Variants in IL5 observed in about 807,000 individuals in gnomAD.
IL5 encodes interleukin-5.
In IL5, 12 loss-of-function variants were observed where a neutral mutation model predicts 16.3. The ratio of observed to expected loss-of-function variants is 0.74; its 90% CI spans 0.47 to 1.20. IL5 has a LOEUF of 1.20. IL5 is among the 50% of genes most tolerant of loss of function. The pLI, the probability that IL5 is intolerant of heterozygous loss-of-function variation, is 0.00. For missense variants in IL5, 159 were observed against 153.9 expected (o/e 1.03, Z -0.17); for synonymous variants, 54 against 56.6 (o/e 0.95, Z 0.21).
At chr5:132,548,673 G>A (rs142968182) in intron 1 of IL5, among the ~76,000 whole-genome samples, 215 of 152,164 alleles carry the variant, frequency 1.4e-3, no homozygotes, top group African/African-American at 5.0e-3. Context: ...CTGTGTGTGC[G>A]TCTGTGTGCT....
At chr5:132,554,702 AAAAG>A (rs1749943730) in intron 1 of IL5, among the ~76,000 whole-genome samples, 1 of 152,234 alleles carries the variant, frequency 6.6e-6, no homozygotes, top group African/African-American at 2.4e-5. Flanking sequence ...GTATATACCC[AAAAG>A]AATTGAAAGC....
chr5:132,555,488 T>C (rs550629645), intron 1 of IL5, among the ~76,000 whole-genome samples: 8 of 152,350 alleles, frequency 5.3e-5, no homozygotes, highest in Non-Finnish European at 8.8e-5. Context: ...TGAGTATACT[T>C]AACACCACTG....
chr5:132,542,969 A>G, intron 2 of IL5, 125 bp downstream of exon 2: 1 of 699,112 alleles, frequency 1.4e-6, no homozygotes, highest in Non-Finnish European at 2.5e-6. Flanking sequence ...AGACATTCAC[A>G]GCCACCCATA....
chr5:132,543,342 G>C lies in IL5; in HGVS notation c.137C>G (p.Ala46Gly), dbSNP rs779089112. ...LLSTHRTLLI[A>G]NETLRIPVPV... ...AATCATAAAGAAAATTACCTCATTG[G>C]CTATCAGCAGAGTTCGATGAGTAGA... is the stretch of plus-strand genomic sequence containing the variant. Residue 46 changes from alanine (A) to glycine (G), a missense_variant, in exon 1 of 4, where the codon GCC (alanine) becomes GGC (glycine). Physicochemically the swap from Ala to Gly is moderately conservative, Grantham distance 60. Transcript: ENST00000231454. 6.2e-7 allele frequency: 1 copy of C among 1,613,780 alleles called. No individual in the cohort carries two copies. The highest frequency in any genetic ancestry group is 8.5e-7 in the Non-Finnish European group (1 of 1,179,766).
At position 132,542,078 on chromosome 5, in the gene IL5, C is replaced by G. The variant is rs201522501; in HGVS notation, c.243G>C (p.Gly81=). Residue 81 remains glycine (G), a synonymous_variant, in exon 3 of 4, where the codon GGG becomes GGC. Coordinates refer to ENST00000231454, the MANE Select transcript of IL5 (RefSeq NM_000879.3). The part of the protein sequence containing the change: ...IGTLESQTVQ[G]GTVERLFKNL... ...TTTTGAATAGTCTTTCCACAGTACCCCCTTGCACAGTTTGACTCTCCAGTG... is the reference window on the plus strand; with the variant it reads ...TTTTGAATAGTCTTTCCACAGTACCGCCTTGCACAGTTTGACTCTCCAGTG... 3 of 1,613,622 alleles carry G rather than the reference C, an allele frequency of 1.9e-6. No homozygotes were observed. Among genetic ancestry groups the G allele is most frequent in the Admixed American group, 1.7e-5 (1 of 59,992 alleles).
Position 132,542,979 on chromosome 5 carries a change from A to G in IL5, c.177+115T>C, listed in dbSNP as rs1749722052. 5 of 782,994 alleles carry G rather than the reference A, an allele frequency of 6.4e-6. No homozygotes were observed. The South Asian group carries it at 7.9e-5, about 12-fold the overall frequency. 48.5% of individuals were successfully genotyped at this position (782,994 alleles called of 1,614,324 possible). A position where few individuals can be genotyped will look rare whatever the true frequency, so the allele number is the denominator to read the frequency against. ...AGTACAGACATTCACAGCCACCCAT[A>G]TGAAAACAAAATATAGAAAATTAAA... On this transcript the variant is annotated intron_variant, in intron 2 of 3. Transcript: ENST00000231454.
chr5:132,553,180 CTT>C (rs768815712), intron 1 of IL5, among the ~76,000 whole-genome samples: 23 of 152,132 alleles, frequency 1.5e-4, no homozygotes, highest in Non-Finnish European at 2.9e-4. Flanking sequence ...CTACAATAGT[CTT>C]TGCTTTAATG....
At chr5:132,554,780 GT>G (rs1282351443) in intron 1 of IL5, among the ~76,000 whole-genome samples, 1 of 152,192 alleles carries the variant, frequency 6.6e-6, no homozygotes, top group African/African-American at 2.4e-5. Flanking sequence ...TAGCTAAAAC[GT>G]GAAAGTAACC....
At chr5:132,550,677 C>CA (rs1428318053) in intron 1 of IL5, among the ~76,000 whole-genome samples, 5 of 152,082 alleles carry the variant, frequency 3.3e-5, no homozygotes, top group African/African-American at 1.2e-4. Context: ...AGCATTTTCA[C>CA]AAAAATAGCT....
chr5:132,553,659 G>A (rs1183134455), intron 1 of IL5, among the ~76,000 whole-genome samples: 4 of 151,934 alleles, frequency 2.6e-5, no homozygotes, highest in Non-Finnish European at 4.4e-5. Context: ...GGTGGTGGCC[G>A]GGCACGCTGG....
intron 1 of IL5, among the ~76,000 whole-genome samples, chr5:132,549,165 C>T (rs768291069): frequency 6.6e-6 from 1 of 152,184 alleles, no homozygotes; most frequent in Admixed American, 6.5e-5. Flanking sequence ...AAGCGATTCT[C>T]CTGCCTCAGC....
At chr5:132,554,316 A>T (rs960803397) in intron 1 of IL5, among the ~76,000 whole-genome samples, 1 of 145,562 alleles carries the variant, frequency 6.9e-6, no homozygotes, top group Non-Finnish European at 1.5e-5. Flanking sequence ...GCAGTGAGCC[A>T]AGATCGCACC....
At chr5:132,549,432 G>C (rs1156238937) in intron 1 of IL5, among the ~76,000 whole-genome samples, 3 of 152,174 alleles carry the variant, frequency 2.0e-5, no homozygotes, top group Non-Finnish European at 4.4e-5. Flanking sequence ...CTGGGCAAAA[G>C]AGAGCAAAGC....
upstream of IL5, among the ~76,000 whole-genome samples, chr5:132,545,935 A>C (rs991240600): frequency 5.3e-5 from 8 of 151,996 alleles, no homozygotes; most frequent in Non-Finnish European, 4.4e-5. Flanking sequence ...ACAAACAAAC[A>C]AAAAAACAAA....
intron 1 of IL5, among the ~76,000 whole-genome samples, chr5:132,552,269 A>C (rs187229654): frequency 6.6e-6 from 1 of 152,332 alleles, no homozygotes; most frequent in African/African-American, 2.4e-5. Flanking sequence ...CTCTGTCTCA[A>C]AAACAAAAAC....
At chr5:132,552,795 G>A (rs753811223) in intron 1 of IL5, among the ~76,000 whole-genome samples, 2 of 152,108 alleles carry the variant, frequency 1.3e-5, no homozygotes, top group African/African-American at 2.4e-5. Flanking sequence ...GAGTGCAGTG[G>A]CGTGATCTTG....
Position 132,543,402 on chromosome 5 carries a change from G to C in IL5, c.77C>G (p.Thr26Arg). The C allele has an allele frequency of 6.2e-7, 1 of 1,614,162 alleles. No individual in the cohort carries two copies. Among genetic ancestry groups the C allele is most frequent in the Non-Finnish European group, 8.5e-7 (1 of 1,180,012 alleles). The change falls in exon 1 of 4, where the codon ACA becomes AGA. Residue 26 changes from threonine (T) to arginine (R), a missense_variant. Transcript: ENST00000231454. ...CAAGGTCTCTTTCACCAATGCACTTGTGGGAATTTCTGTGGGGATGGCATA... is the reference window on the plus strand; with the variant it reads ...CAAGGTCTCTTTCACCAATGCACTTCTGGGAATTTCTGTGGGGATGGCATA... ...YVYAIPTEIP[T>R]SALVKETLAL...
chr5:132,545,423 CAGA>C (rs1217435003), upstream of IL5, among the ~76,000 whole-genome samples: 30 of 152,216 alleles, frequency 2.0e-4, no homozygotes, highest in Non-Finnish European at 7.4e-5. Flanking sequence ...GAGGCTGAAG[CAGA>C]AGGATTGCTT....
chr5:132,543,361 G>T lies in IL5; in HGVS notation c.118C>A (p.His40Asn), dbSNP rs149977915. ...VKETLALLST[H>N]RTLLIANETL... is the part of the protein sequence containing the mutation. ...TCATTGGCTATCAGCAGAGTTCGAT[G>T]AGTAGAAAGCAGTGCCAAGGTCTCT... Residue 40 changes from histidine (H) to asparagine (N), a missense_variant, in exon 1 of 4, where the codon CAT (histidine) becomes AAT (asparagine). Transcript: ENST00000231454. The T allele has an allele frequency of 1.2e-6, 2 of 1,614,084 alleles. No individual in the cohort carries two copies. The highest frequency in any genetic ancestry group is 2.7e-5 in the African/African-American group (2 of 74,944).
Sources: allele counts gnomAD v4.1 joint callset (sites outside exome capture counted in the v4.1 genomes callset), GRCh38; gene constraint gnomAD v4.1.1; transcripts MANE v1.5; gene names NCBI Gene and HGNC (gene_info 2026-07-23, HGNC 2026-07-21).